Variants in RAD51B observed in about 807,000 individuals in gnomAD.
RAD51B encodes DNA repair protein RAD51 homolog 2.
A neutral mutation model predicts 42.2 loss-of-function variants in RAD51B; 38 were observed. That is an observed-to-expected ratio of 0.90 (90% CI 0.70 to 1.18). RAD51B has a LOEUF of 1.18. Among genes scored for constraint, RAD51B ranks in the 50% most tolerant of loss-of-function variants. The probability of loss-of-function intolerance (pLI) is 0.00; values close to 1 mark genes in which losing one functional copy is unlikely to be tolerated. For missense variants in RAD51B, 373 were observed against 400.7 expected, an observed-to-expected ratio of 0.93 and a Z score of 0.59; for synonymous variants, 154 against 145.2, an observed-to-expected ratio of 1.06 and a Z score of -0.43.
At chr14:68,477,549 G>A (rs921103402) in intron 10 of RAD51B, 99 bp from the exon 11 acceptor site, 1 of 1,388,568 alleles carries the variant, frequency 7.2e-7, no homozygotes, top group Non-Finnish European at 9.8e-7. Flanking sequence ...GAGGACTGCT[G>A]TTGGAGGAAA....
intron 7 of RAD51B, among the ~76,000 whole-genome samples, chr14:68,031,186 G>C (rs747775731): frequency 2.6e-5 from 4 of 152,316 alleles, no homozygotes; most frequent in Non-Finnish European, 5.9e-5. Context: ...GGAAGGCAAG[G>C]AGGAGCAAGT....
chr14:68,513,570 T>G (rs1039748819), intron 10 of RAD51B, among the ~76,000 whole-genome samples: 1 of 151,876 alleles, frequency 6.6e-6, no homozygotes, highest in Non-Finnish European at 1.5e-5. Flanking sequence ...ACCTTTGGGG[T>G]CTGGCTTTAT....
At chr14:68,019,485 A>C (rs1483194992) in intron 7 of RAD51B, among the ~76,000 whole-genome samples, 1 of 152,150 alleles carries the variant, frequency 6.6e-6, no homozygotes, top group African/African-American at 2.4e-5. Context: ...ATTCTTGAAA[A>C]TCATGGGTTT....
intron 9 of RAD51B, among the ~76,000 whole-genome samples, chr14:68,414,510 C>T (rs907154465): frequency 7.2e-5 from 11 of 151,832 alleles, no homozygotes; most frequent in Admixed American, 2.0e-4. Context: ...TTTGGTCTAC[C>T]CCGTGCATGG....
rs1892984823 is a variant in RAD51B, at chr14:68,663,923, A to C, written c.*11+13067A>C. The stretch of plus-strand genomic sequence containing the variant: ...ATGTGATTATATTTGTGAAACATTA[A>C]ATTTAGCATCAGGTGCATTATAAGC... On this transcript the variant is annotated intron_variant, in intron 11 of 11. Coordinates refer to the RAD51B transcript ENST00000488612. Among the ~76,000 whole-genome samples the C allele has an allele frequency of 2.0e-5, 3 of 152,222 alleles. No homozygotes were observed. The East Asian group carries it at 5.8e-4, about 29-fold the overall frequency.
intron 10 of RAD51B, among the ~76,000 whole-genome samples, chr14:68,493,399 A>T (rs765251534): frequency 1.7e-4 from 26 of 152,144 alleles, no homozygotes; most frequent in Non-Finnish European, 3.5e-4. Flanking sequence ...AGAAAAAAAC[A>T]GCCCTAGTTA....
At chr14:67,905,430 GT>G (rs1474743362) in intron 7 of RAD51B, among the ~76,000 whole-genome samples, 3 of 151,934 alleles carry the variant, frequency 2.0e-5, no homozygotes, top group Non-Finnish European at 4.4e-5. Context: ...TTTAGAATAG[GT>G]TTTTTTCCAA....
At chr14:67,931,362 T>C (rs1308029643) in intron 7 of RAD51B, among the ~76,000 whole-genome samples, 2 of 152,184 alleles carry the variant, frequency 1.3e-5, no homozygotes, top group Non-Finnish European at 2.9e-5. Context: ...TTGTTTCTTT[T>C]TTATTCTATC....
chr14:68,266,428 C>A (rs2080993468), intron 7 of RAD51B, among the ~76,000 whole-genome samples: 1 of 152,110 alleles, frequency 6.6e-6, no homozygotes, highest in African/African-American at 2.4e-5. Context: ...GGGTAGGACC[C>A]CTCTGGAATG....
At chr14:67,892,149 T>G (rs1321765055) in intron 7 of RAD51B, among the ~76,000 whole-genome samples, 2 of 152,220 alleles carry the variant, frequency 1.3e-5, no homozygotes, top group African/African-American at 4.8e-5. Flanking sequence ...AGGATTTTTC[T>G]TTTCCATAAA....
At chr14:68,222,534 T>TG (rs34784175) in intron 7 of RAD51B, among the ~76,000 whole-genome samples, 30,325 of 151,968 alleles carry the variant, frequency 0.2, 3,491 homozygotes, top group Middle Eastern at 0.37. Flanking sequence ...GGGAAAAGGT[T>TG]GGGGTGGCGA....
chr14:68,229,059 C>T (rs1238100058), intron 7 of RAD51B, among the ~76,000 whole-genome samples: 2 of 152,178 alleles, frequency 1.3e-5, no homozygotes, highest in East Asian at 1.9e-4. Flanking sequence ...ATTCAGTATT[C>T]GTGGAACAGC....
chr14:67,831,065 C>T (rs1328437293), intron 3 of RAD51B, among the ~76,000 whole-genome samples: 3 of 151,084 alleles, frequency 2.0e-5, no homozygotes, highest in Admixed American at 1.3e-4. Flanking sequence ...TTAGTAGAGA[C>T]GGTTTCAGCA....
At chr14:68,611,592 A>C, downstream of RAD51B, 1 of 371,978 alleles carries the variant, frequency 2.7e-6, no homozygotes, top group Non-Finnish European at 5.0e-6. Flanking sequence ...AATAAAACAA[A>C]TCAACAAATT....
chr14:68,067,002 C>T (rs887596534), intron 7 of RAD51B, among the ~76,000 whole-genome samples: 13 of 152,016 alleles, frequency 8.6e-5, no homozygotes, highest in African/African-American at 3.1e-4. Context: ...TAGACTGTTG[C>T]ACAACGTTGA....
intron 7 of RAD51B, among the ~76,000 whole-genome samples, chr14:68,127,847 T>A (rs1351869596): frequency 6.6e-6 from 1 of 152,236 alleles, no homozygotes; most frequent in East Asian, 1.9e-4. Flanking sequence ...GAATTAAATT[T>A]TAGAGTTTTC....
At chr14:67,823,739 A>G (rs1451855721) in intron 2 of RAD51B, 112 bp downstream of exon 2, 5 of 805,940 alleles carry the variant, frequency 6.2e-6, no homozygotes, top group Non-Finnish European at 9.4e-6. Context: ...AAAAAGATAA[A>G]TGATGGTGCT....
At chr14:68,673,635 CAT>C (rs1216771841) in intron 11 of RAD51B, among the ~76,000 whole-genome samples, 2 of 143,042 alleles carry the variant, frequency 1.4e-5, no homozygotes, top group East Asian at 3.9e-4. Context: ...TGTGCACACA[CAT>C]ATGTATACAT....
chr14:67,829,494 G>C (rs1033314438), intron 3 of RAD51B, among the ~76,000 whole-genome samples: 1 of 152,030 alleles, frequency 6.6e-6, no homozygotes, highest in South Asian at 2.1e-4. Context: ...CGCCCGCCTC[G>C]GCCTCCCAAA....
Sources: allele counts gnomAD v4.1 joint callset (sites outside exome capture counted in the v4.1 genomes callset), GRCh38; gene constraint gnomAD v4.1.1; transcripts MANE v1.5; gene names NCBI Gene and HGNC (gene_info 2026-07-23, HGNC 2026-07-21).